The following PRPSAP2 variants were observed in gnomAD, a reference collection of about 807,000 sequenced individuals.
The protein encoded by PRPSAP2 is phosphoribosyl pyrophosphate synthase-associated protein 2.
Under a neutral mutation model 40.6 loss-of-function variants are expected in PRPSAP2, and 24 were observed. That is an observed-to-expected ratio of 0.59 (90% confidence interval 0.43 to 0.83). The LOEUF (loss-of-function observed/expected upper bound fraction) is 0.83. PRPSAP2 is among the 40% of genes least tolerant of loss of function. The pLI is 0.00. For synonymous variants in PRPSAP2, 149 were observed against 164.7 expected (o/e 0.90, Z 0.73); for missense variants, 292 against 465.6 (o/e 0.63, Z 3.43).
chr17:18,899,376 A>G (rs1597662012), intron 8 of PRPSAP2, among the ~76,000 whole-genome samples: 1 of 151,924 alleles, frequency 6.6e-6, no homozygotes, highest in Non-Finnish European at 1.5e-5. Context: ...ACATGCCACC[A>G]TGCCCTGCCA....
chr17:18,860,771 G>A (rs957618893), intron 1 of PRPSAP2: 1 of 152,198 alleles, frequency 6.6e-6, no homozygotes, highest in African/African-American at 2.4e-5. Context: ...TGGGTGAGTG[G>A]TTTTGAAATG....
chr17:18,917,018 G>A (rs2041357870), intron 9 of PRPSAP2, among the ~76,000 whole-genome samples: 1 of 152,120 alleles, frequency 6.6e-6, no homozygotes, highest in Admixed American at 6.6e-5. Flanking sequence ...AAGACCAGGA[G>A]GAAATAGGAA....
intron 10 of PRPSAP2, among the ~76,000 whole-genome samples, chr17:18,926,782 G>A (rs1035474507): frequency 7.9e-6 from 1 of 127,176 alleles, no homozygotes; most frequent in African/African-American, 2.9e-5. Context: ...GTGTGAGTGT[G>A]TGTGTGTGTG....
chr17:18,892,688 AGTGTGTGTGTGTGT>A (rs3043879), intron 8 of PRPSAP2, among the ~76,000 whole-genome samples: 9 of 75,380 alleles, frequency 1.2e-4, no homozygotes, highest in East Asian at 3.3e-4. Context: ...CAGCCTGTTG[AGTGTGTGTGTGTGT>A]GTGTGTGTGT....
chr17:18,886,929 C>CTTTTTTTT lies in PRPSAP2; in HGVS notation c.529-2876_529-2869dup, dbSNP rs71155365. On this transcript the variant is annotated intron_variant, in intron 7 of 11. Coordinates refer to ENST00000268835, the MANE Select transcript of PRPSAP2 (RefSeq NM_002767.4). ...CATACATGATAATTTTTCTTTTCTT[C>CTTTTTTTT]TTTTTTTTTTTTTTTTTTTTTTTTG... is the stretch of plus-strand genomic sequence containing the variant. Among the ~76,000 whole-genome samples the CTTTTTTTT allele has an allele frequency of 6.1e-3, 459 of 75,352 alleles. 2 individuals carry two copies. Among genetic ancestry groups the CTTTTTTTT allele is most frequent in the Admixed American group, 6.6e-3 (33 of 5,038 alleles). 49.4% of individuals were successfully genotyped at this position (75,352 alleles called of 152,430 possible).
intron 6 of PRPSAP2, among the ~76,000 whole-genome samples, chr17:18,881,175 TA>T (rs35446593): frequency 0.45 from 65,500 of 145,462 alleles, 14,514 homozygotes; most frequent in Middle Eastern, 0.51. Context: ...CTCACAGTAC[TA>T]AAAAAAAAAA....
chr17:18,869,073 C>CT (rs2037647726), intron 4 of PRPSAP2, among the ~76,000 whole-genome samples: 1 of 152,064 alleles, frequency 6.6e-6, no homozygotes, highest in Non-Finnish European at 1.5e-5. Context: ...GAATGATGTT[C>CT]TTTGTCTGGA....
intron 1 of PRPSAP2, among the ~76,000 whole-genome samples, chr17:18,862,084 C>T (rs1181030179): frequency 6.6e-6 from 1 of 152,184 alleles, no homozygotes; most frequent in Non-Finnish European, 1.5e-5. Flanking sequence ...AATGAGGTTT[C>T]ACCATGTTGG....
chr17:18,881,615 G>T (rs2038748651), intron 6 of PRPSAP2, among the ~76,000 whole-genome samples: 3 of 151,050 alleles, frequency 2.0e-5, no homozygotes, highest in African/African-American at 7.3e-5. Context: ...CAGCTCACTT[G>T]CAGCCTTGAC....
intron 10 of PRPSAP2, 150 bp from the exon 11 acceptor site, chr17:18,928,660 TG>T: frequency 1.1e-6 from 1 of 946,296 alleles, no homozygotes; most frequent in Non-Finnish European, 1.6e-6. Flanking sequence ...GGCACGGTGA[TG>T]GGGACATGGG....
chr17:18,912,571 T>G (rs2041031699), intron 9 of PRPSAP2, among the ~76,000 whole-genome samples: 1 of 152,168 alleles, frequency 6.6e-6, no homozygotes, highest in Non-Finnish European at 1.5e-5. Context: ...AAGTCTGAAG[T>G]CCAAAGTCCC....
intron 8 of PRPSAP2, among the ~76,000 whole-genome samples, chr17:18,905,741 C>G (rs567451859): frequency 6.6e-6 from 1 of 152,046 alleles, no homozygotes; most frequent in Admixed American, 6.6e-5. Context: ...CCACCACACC[C>G]GGCTAATTTG....
At chr17:18,900,043 C>T (rs753731812) in intron 8 of PRPSAP2, among the ~76,000 whole-genome samples, 11 of 152,088 alleles carry the variant, frequency 7.2e-5, no homozygotes, top group South Asian at 2.1e-4. Context: ...TCTGCCACCA[C>T]GCCCGGCTAA....
intron 7 of PRPSAP2, among the ~76,000 whole-genome samples, chr17:18,885,910 A>G (rs796334379): frequency 3.3e-5 from 5 of 152,070 alleles, no homozygotes; most frequent in African/African-American, 1.2e-4. Flanking sequence ...TTTAGTAGAG[A>G]TAGGGTTTCA....
chr17:18,920,022 G>T (rs968136280), intron 9 of PRPSAP2, among the ~76,000 whole-genome samples: 3 of 152,184 alleles, frequency 2.0e-5, no homozygotes, highest in African/African-American at 4.8e-5. Flanking sequence ...CAGGCTGTTG[G>T]TGCTGGGGGG....
upstream of PRPSAP2, chr17:18,858,106 T>TCCCGCCCC (rs2036720747): frequency 6.6e-6 from 1 of 151,560 alleles, no homozygotes; most frequent in African/African-American, 2.4e-5. Context: ...AGTCCCGCCC[T>TCCCGCCCC]CGCCCCTCCC....
At chr17:18,878,527 C>T (rs150569323) in intron 6 of PRPSAP2, among the ~76,000 whole-genome samples, 5 of 151,962 alleles carry the variant, frequency 3.3e-5, no homozygotes, top group East Asian at 3.9e-4. Context: ...TGTGTGTGTG[C>T]GCGCTTGTAT....
chr17:18,861,174 A>G (rs1292109269), intron 1 of PRPSAP2, among the ~76,000 whole-genome samples: 1 of 152,212 alleles, frequency 6.6e-6, no homozygotes, highest in Non-Finnish European at 1.5e-5. Context: ...AACTACAAGC[A>G]GGCATTATGG....
chr17:18,864,533 CG>C, intron 1 of PRPSAP2, among the ~76,000 whole-genome samples: 1 of 151,910 alleles, frequency 6.6e-6, no homozygotes, highest in South Asian at 2.1e-4. Context: ...CCTTGTGATC[CG>C]CCTGCCTTGG....
Sources: gnomAD v4.1 joint callset for allele counts (sites outside exome capture counted in the v4.1 genomes callset) on GRCh38, gnomAD v4.1.1 for gene constraint, MANE v1.5 for transcripts, NCBI Gene and HGNC (gene_info 2026-07-23, HGNC 2026-07-21) for gene names.